PRKCE: variants seen among roughly 807,000 people sequenced by gnomAD.
PRKCE encodes the protein protein kinase C epsilon.
Under a neutral mutation model 85.4 loss-of-function variants are expected in PRKCE, and 16 were observed. The observed-to-expected ratio is 0.19, with a 90% CI of 0.13 to 0.28. The LOEUF is 0.28. Ranked by LOEUF, PRKCE falls within the 10% of genes least tolerant of loss-of-function variation. The probability of loss-of-function intolerance (pLI) is 1.00; values close to 1 mark genes in which losing one functional copy is unlikely to be tolerated. For synonymous variants in PRKCE, 388 were observed against 371.5 expected (o/e 1.04, Z -0.51); for missense variants, 573 against 975.2 (o/e 0.59, Z 5.49).
rs1034856501 is a variant in PRKCE at position 46,155,433 on chromosome 2, G to A, written c.1921-4173G>A. 2.0e-5 allele frequency among the ~76,000 whole-genome samples: 3 copies of A among 151,890 alleles called. No individual in the cohort carries two copies. Among genetic ancestry groups the A allele is most frequent in the Non-Finnish European group, 2.9e-5 (2 of 67,968 alleles). On this transcript the variant is annotated intron_variant, in intron 13 of 14. Transcript: ENST00000306156. The surrounding 1 kb of genome is among the most constrained non-coding windows in gnomAD (Gnocchi z 4.7). Reference sequence around the variant, plus strand: ...CTCTTGTTCCTCAGGCCTGGGCCCCGGGTCCTCTGGGTACCCTGTGCTCTC... The same window carrying A: ...CTCTTGTTCCTCAGGCCTGGGCCCCAGGTCCTCTGGGTACCCTGTGCTCTC...
At chr2:46,035,714 C>T (rs973085134) in intron 10 of PRKCE, among the ~76,000 whole-genome samples, 4 of 151,994 alleles carry the variant, frequency 2.6e-5, no homozygotes, top group African/African-American at 4.8e-5. Flanking sequence ...GTATATGGCA[C>T]GTTATATATA....
intron 14 of PRKCE, among the ~76,000 whole-genome samples, chr2:46,172,239 C>CA (rs1678982312): frequency 6.6e-6 from 1 of 152,208 alleles, no homozygotes; most frequent in Non-Finnish European, 1.5e-5. Context: ...TCTTTCCCCC[C>CA]AGGCACTGCC....
chr2:46,011,777 C>T (rs568389149), intron 10 of PRKCE, among the ~76,000 whole-genome samples: 1 of 151,916 alleles, frequency 6.6e-6, no homozygotes, highest in Non-Finnish European at 1.5e-5. Context: ...CTTACACACA[C>T]ATACACATGC....
At chr2:45,912,521 G>A (rs1469246683) in intron 2 of PRKCE, among the ~76,000 whole-genome samples, 1 of 152,176 alleles carries the variant, frequency 6.6e-6, no homozygotes, top group Admixed American at 6.5e-5. Context: ...GATTGGGGAA[G>A]GCTGAGGCTC....
At chr2:45,974,054 A>T (rs1163062599) in intron 2 of PRKCE, among the ~76,000 whole-genome samples, 1 of 152,212 alleles carries the variant, frequency 6.6e-6, no homozygotes, top group Non-Finnish European at 1.5e-5. Context: ...TATGATGCCC[A>T]GGATGATGTT....
intron 11 of PRKCE, among the ~76,000 whole-genome samples, chr2:46,094,763 C>G (rs1670517183): frequency 6.6e-6 from 1 of 151,096 alleles, no homozygotes; most frequent in South Asian, 2.1e-4. Flanking sequence ...AACAAACATG[C>G]ACATCCTGCA....
chr2:46,062,983 C>T (rs936971831), intron 10 of PRKCE, among the ~76,000 whole-genome samples: 1 of 152,204 alleles, frequency 6.6e-6, no homozygotes, highest in Non-Finnish European at 1.5e-5. Flanking sequence ...ACAAATCTTC[C>T]AGTTTTCTCA....
intron 6 of PRKCE, among the ~76,000 whole-genome samples, chr2:45,996,983 T>A (rs111246016): frequency 5.3e-5 from 8 of 152,302 alleles, no homozygotes; most frequent in African/African-American, 1.9e-4. Flanking sequence ...TAATGATTGA[T>A]TCTATTGCTT....
chr2:45,961,091 TACTC>T (rs530950888), intron 2 of PRKCE, among the ~76,000 whole-genome samples: 198 of 152,332 alleles, frequency 1.3e-3, no homozygotes, highest in Non-Finnish European at 2.4e-3. Flanking sequence ...AAGTCAGCCT[TACTC>T]ACTTATACAC....
rs754578104 is a variant in PRKCE, at chr2:45,895,901, G to T, written c.412+52838G>T. The stretch of plus-strand genomic sequence containing the variant: ...GCAAGGGGCTCCCAGAGGAGTTGGT[G>T]TCTGGGCTGTGGCTGAAGTTCACCG... On this transcript the variant is annotated intron_variant, in intron 2 of 14. Transcript: ENST00000306156. This position sits in a 1 kb window ranked among gnomAD's most constrained non-coding sequence, Gnocchi z 4.8. 5.9e-5 allele frequency among the ~76,000 whole-genome samples: 9 copies of T among 152,198 alleles called. No individual in the cohort carries two copies. The highest frequency in any genetic ancestry group is 1.0e-4 in the Non-Finnish European group (7 of 68,036).
intron 1 of PRKCE, among the ~76,000 whole-genome samples, chr2:45,788,913 C>A (rs1253278732): frequency 6.6e-6 from 1 of 152,178 alleles, no homozygotes; most frequent in Admixed American, 6.5e-5. Context: ...TCAACTCTGG[C>A]TGAATATTCA....
chr2:46,122,265 T>C (rs1673385811), intron 11 of PRKCE, among the ~76,000 whole-genome samples: 1 of 152,196 alleles, frequency 6.6e-6, no homozygotes, highest in Non-Finnish European at 1.5e-5. Flanking sequence ...GGAGTCTTGT[T>C]CTGTCATCCA....
intron 1 of PRKCE, among the ~76,000 whole-genome samples, chr2:45,714,330 C>T (rs1679913505): frequency 6.6e-6 from 1 of 151,938 alleles, no homozygotes. Context: ...GACTGTCCTA[C>T]AAAGATGCAA....
intron 1 of PRKCE, among the ~76,000 whole-genome samples, chr2:45,746,852 G>C (rs1041209806): frequency 6.6e-6 from 1 of 152,114 alleles, no homozygotes; most frequent in African/African-American, 2.4e-5. Flanking sequence ...TATCGTCTCA[G>C]GAACATGTCA....
At chr2:45,686,142 C>G (rs977632906) in intron 1 of PRKCE, 1 of 152,062 alleles carries the variant, frequency 6.6e-6, no homozygotes, top group African/African-American at 2.4e-5. Flanking sequence ...CAAGCAGAAA[C>G]CCAGAGGGCT....
intron 1 of PRKCE, among the ~76,000 whole-genome samples, chr2:45,695,765 C>T (rs1015701840): frequency 2.0e-5 from 3 of 152,152 alleles, no homozygotes; most frequent in South Asian, 2.1e-4. Context: ...AGTGAGACTC[C>T]GTCTCAAAAA....
At chr2:45,971,369 G>A (rs1338769481) in intron 2 of PRKCE, among the ~76,000 whole-genome samples, 4 of 152,158 alleles carry the variant, frequency 2.6e-5, no homozygotes, top group South Asian at 2.1e-4. Flanking sequence ...AGTAACATTC[G>A]ATTGCATGAA....
chr2:45,703,028 C>CCT (rs1306799099), intron 1 of PRKCE, among the ~76,000 whole-genome samples: 1 of 151,716 alleles, frequency 6.6e-6, no homozygotes, highest in Non-Finnish European at 1.5e-5. Context: ...TTTTCCCCCC[C>CCT]CGTCAGGAAG....
At chr2:46,085,041 C>T (rs1327381824) in intron 10 of PRKCE, among the ~76,000 whole-genome samples, 1 of 152,080 alleles carries the variant, frequency 6.6e-6, no homozygotes, top group East Asian at 1.9e-4. Flanking sequence ...CCATCTCCAC[C>T]CCTGGATTGT....
Sources: allele counts gnomAD v4.1 joint callset (sites outside exome capture counted in the v4.1 genomes callset), GRCh38; gene constraint gnomAD v4.1.1; non-coding constraint Gnocchi (gnomAD v3.1); transcripts MANE v1.5; gene names NCBI Gene and HGNC (gene_info 2026-07-23, HGNC 2026-07-21).